The following MED12L variants were observed in gnomAD, a reference collection of about 807,000 sequenced individuals.
The protein encoded by MED12L is mediator complex subunit 12L.
MED12L carries 60 observed loss-of-function variants against 281.3 expected under a neutral mutation model. The observed-to-expected ratio is 0.21, with a 90% CI of 0.17 to 0.26. The LOEUF (loss-of-function observed/expected upper bound fraction) is 0.26. Among genes scored for constraint, MED12L ranks in the 10% least tolerant of loss-of-function variants. The pLI, the probability that MED12L is intolerant of heterozygous loss-of-function variation, is 1.00. For synonymous variants in MED12L, 974 were observed against 987.2 expected, an observed-to-expected ratio of 0.99 and a Z score of 0.25; for missense variants, 2,146 against 2,680.9, an observed-to-expected ratio of 0.80 and a Z score of 4.41.
intron 16 of MED12L, among the ~76,000 whole-genome samples, chr3:151,302,097 G>A (rs1746006472): frequency 1.3e-5 from 2 of 152,172 alleles, no homozygotes; most frequent in Admixed American, 6.5e-5. Context: ...TTGTATAGAT[G>A]AACCGTGAAA....
Position 151,413,184 on chromosome 3 carries a change from A to T in MED12L, c.6186A>T (p.Gly2062=). 6.2e-7 allele frequency: 1 copy of T among 1,613,984 alleles called. No individual in the cohort carries two copies. ...AGCAGAGCCCTCTGGTGGGCGGGGG[A>T]ATTGATGCTGTGCTGACTTCTGCAC... ...ALQQSPLVGG[G]IDAVLTSAHP... is the part of the protein sequence containing the mutation. Residue 2062 remains glycine, a synonymous_variant, in exon 42 of 45, where the codon GGA becomes GGT. Transcript: ENST00000687756.
At position 151,387,978 on chromosome 3, in the gene MED12L, C is replaced by T; in HGVS notation, c.5257C>T (p.Pro1753Ser). The change falls in exon 37 of 45, where the codon CCC becomes TCC. Residue 1753 changes from proline (P) to serine (S), a missense_variant. Pro to Ser is a moderately conservative substitution (Grantham distance 74). Around this residue, in one of 9 missense-constraint regions of MED12L, gnomAD observed 496 missense variants for 512.0 expected, o/e 0.97. Transcript: ENST00000687756. ...HLLLYHTHPM[P>S]KPRSYYLQPL... ...CCTGCTGTATCACACACACCCCATG[C>T]CCAAGCCCCGCAGTTACTACCTCCA... The T allele has an allele frequency of 6.2e-7, 1 of 1,614,092 alleles. No individual in the cohort carries two copies. Among genetic ancestry groups the T allele is most frequent in the South Asian group, 1.1e-5 (1 of 91,070 alleles).
intron 16 of MED12L, among the ~76,000 whole-genome samples, chr3:151,309,956 GA>G (rs1747277146): frequency 6.6e-6 from 1 of 152,088 alleles, no homozygotes; most frequent in Non-Finnish European, 1.5e-5. Context: ...GAGGGGTGGA[GA>G]CAAGAGTAGG....
At chr3:151,234,559 T>C (rs1480430175) in intron 16 of MED12L, among the ~76,000 whole-genome samples, 2 of 152,222 alleles carry the variant, frequency 1.3e-5, no homozygotes, top group African/African-American at 4.8e-5. Context: ...GTAGGTGCTG[T>C]ATAAACTTTC....
At chr3:151,411,579 G>T (rs1270286735) in intron 41 of MED12L, 72 bp downstream of exon 41, 3 of 1,320,096 alleles carry the variant, frequency 2.3e-6, no homozygotes, top group African/African-American at 2.9e-5. Flanking sequence ...TTCTTATAGG[G>T]CATGGTACTT....
chr3:151,235,725 A>G (rs1010127646), intron 16 of MED12L, among the ~76,000 whole-genome samples: 4 of 151,220 alleles, frequency 2.6e-5, no homozygotes, highest in Non-Finnish European at 4.4e-5. Context: ...ATAAATAAGT[A>G]AAAGCAACTC....
intron 20 of MED12L, among the ~76,000 whole-genome samples, chr3:151,358,155 A>T (rs980249324): frequency 1.3e-5 from 2 of 152,160 alleles, no homozygotes; most frequent in Non-Finnish European, 2.9e-5. Context: ...ATGCTATCCT[A>T]GAATGATATC....
intron 5 of MED12L, among the ~76,000 whole-genome samples, chr3:151,146,255 G>A (rs933115429): frequency 3.3e-5 from 5 of 152,196 alleles, no homozygotes; most frequent in East Asian, 1.9e-4. Flanking sequence ...ACCTTCCTGC[G>A]CCTCACTGGT....
At chr3:151,170,959 C>T (rs1478372411) in intron 11 of MED12L, among the ~76,000 whole-genome samples, 2 of 152,162 alleles carry the variant, frequency 1.3e-5, no homozygotes, top group African/African-American at 4.8e-5. Flanking sequence ...GTTCCCTGAT[C>T]ATCCAACATT....
intron 16 of MED12L, chr3:151,212,950 G>C: frequency 6.4e-6 from 1 of 155,460 alleles, no homozygotes; most frequent in Admixed American, 6.5e-5. Flanking sequence ...TGAGTGAGTT[G>C]TCTTTGATTA....
intron 16 of MED12L, among the ~76,000 whole-genome samples, chr3:151,325,431 T>A (rs994434419): frequency 1.3e-5 from 2 of 152,246 alleles, no homozygotes; most frequent in African/African-American, 4.8e-5. Context: ...TTTCTTTTAT[T>A]CTTTTTGGTG....
In MED12L at chr3:151,116,112, A is replaced by G. The variant is rs182603597; in HGVS notation, c.100-226A>G. ...AGAATAGTATAAGGAATACCCATAT[A>G]CTCTGCACCTAGAGTCAACAGTTAA... is the stretch of plus-strand genomic sequence containing the variant. On this transcript the variant is annotated intron_variant, in intron 2 of 44. Transcript: ENST00000687756. 2.3e-3 allele frequency among the ~76,000 whole-genome samples: 344 copies of G among 150,828 alleles called. 1 individual carries two copies. Among genetic ancestry groups the G allele is most frequent in the Non-Finnish European group, 4.2e-3 (283 of 67,886 alleles).
At chr3:151,388,289 G>A in intron 37 of MED12L, 117 bp downstream of exon 37, 3 of 1,292,792 alleles carry the variant, frequency 2.3e-6, no homozygotes, top group Non-Finnish European at 3.1e-6. Flanking sequence ...TGTTATGACA[G>A]TTCTCCTAAC....
chr3:151,228,013 A>G lies in MED12L; in HGVS notation c.2250+34347A>G, dbSNP rs1730885720. Reference sequence around the variant, plus strand: ...GACCCCTTAATGGTAGGTATGTTTCAGATGATTTTGATACAGGAAGAGAAT... The same window carrying G: ...GACCCCTTAATGGTAGGTATGTTTCGGATGATTTTGATACAGGAAGAGAAT... On this transcript the variant is annotated intron_variant, in intron 16 of 44. Transcript: ENST00000687756. Among the ~76,000 whole-genome samples, 3 of 152,210 alleles carry G rather than the reference A, an allele frequency of 2.0e-5. No individual in the cohort carries two copies. In the South Asian group the frequency reaches 6.2e-4, roughly 32 times the overall value.
At position 151,407,207 on chromosome 3, in the gene MED12L, T is replaced by C. The variant is rs369943044; in HGVS notation, c.5821-2036T>C. Reference sequence around the variant, plus strand: ...ATTAGTATTCTAGCTCCCCCCACCATGTAAGTCATAATGTGTTTCATAAAG... The same window carrying C: ...ATTAGTATTCTAGCTCCCCCCACCACGTAAGTCATAATGTGTTTCATAAAG... On this transcript the variant is annotated intron_variant, in intron 39 of 44. Transcript: ENST00000687756. 2.6e-5 allele frequency among the ~76,000 whole-genome samples: 4 copies of C among 152,302 alleles called. No individual in the cohort carries two copies. In the South Asian group the frequency reaches 8.3e-4, roughly 32 times the overall value.
intron 16 of MED12L, among the ~76,000 whole-genome samples, chr3:151,223,805 G>C (rs563920325): frequency 6.6e-6 from 1 of 152,232 alleles, no homozygotes; most frequent in East Asian, 1.9e-4. Context: ...ATATACCCAA[G>C]TAACAAACTT....
chr3:151,319,323 C>T (rs1252696005), intron 16 of MED12L, among the ~76,000 whole-genome samples: 2 of 152,010 alleles, frequency 1.3e-5, no homozygotes, highest in African/African-American at 4.8e-5. Context: ...ATAAAAGCCC[C>T]GGGAATCTTC....
intron 11 of MED12L, 120 bp from the exon 12 acceptor site, chr3:151,185,210 A>T: frequency 1.1e-6 from 1 of 900,954 alleles, no homozygotes. Flanking sequence ...TTCTAAAGCT[A>T]CTATAATAAA....
At chr3:151,425,644 T>C in intron 43 of MED12L, 1 of 456,636 alleles carries the variant, frequency 2.2e-6, no homozygotes, top group Non-Finnish European at 4.4e-6. Context: ...CCATGTTGAT[T>C]AGTTATACCT....
Sources: allele counts gnomAD v4.1 joint callset (sites outside exome capture counted in the v4.1 genomes callset), GRCh38; gene constraint gnomAD v4.1.1; regional missense constraint gnomAD v4.1.1; transcripts MANE v1.5; gene names NCBI Gene and HGNC (gene_info 2026-07-23, HGNC 2026-07-21).